The following PPARG variants were observed in gnomAD, a reference collection of about 807,000 sequenced individuals.
PPARG encodes the protein peroxisome proliferator activated receptor gamma.
A neutral mutation model predicts 39.2 loss-of-function variants in PPARG; 17 were observed. That is an observed-to-expected ratio of 0.43 (90% CI 0.30 to 0.65). The LOEUF (loss-of-function observed/expected upper bound fraction) is 0.65. PPARG is among the 30% of genes least tolerant of loss of function. The pLI, the probability that PPARG is intolerant of heterozygous loss-of-function variation, is 0.13. For missense variants in PPARG, 406 were observed against 585.9 expected, an observed-to-expected ratio of 0.69 and a Z score of 3.17; for synonymous variants, 223 against 215.7, an observed-to-expected ratio of 1.03 and a Z score of -0.30.
intron 2 of PPARG, among the ~76,000 whole-genome samples, chr3:12,378,932 G>A (rs146715599): frequency 5.3e-5 from 8 of 152,254 alleles, no homozygotes; most frequent in East Asian, 1.9e-4. Flanking sequence ...TAGTAAATAC[G>A]TATATTAAAA....
intron 1 of PPARG, among the ~76,000 whole-genome samples, chr3:12,308,177 C>G (rs956380172): frequency 6.6e-6 from 1 of 151,636 alleles, no homozygotes; most frequent in Non-Finnish European, 1.5e-5. Flanking sequence ...GATCTCGCCT[C>G]TACAAAAAAA....
intron 4 of PPARG, among the ~76,000 whole-genome samples, chr3:12,388,948 T>C (rs930101780): frequency 1.3e-5 from 2 of 152,070 alleles, no homozygotes; most frequent in Admixed American, 1.3e-4. Context: ...AACCTGAAAC[T>C]GAAAGAGATA....
chr3:12,356,676 C>T (rs1236837447), intron 2 of PPARG, among the ~76,000 whole-genome samples: 1 of 152,166 alleles, frequency 6.6e-6, no homozygotes, highest in Non-Finnish European at 1.5e-5. Context: ...TTCAAGGCAC[C>T]ATAGTGAATG....
chr3:12,367,016 G>A (rs1197685907), intron 2 of PPARG, among the ~76,000 whole-genome samples: 1 of 152,146 alleles, frequency 6.6e-6, no homozygotes, highest in Non-Finnish European at 1.5e-5. Context: ...AGTGAACCCA[G>A]TCCGGTGCCT....
chr3:12,434,209 C>T lies in PPARG; in HGVS notation c.*64C>T. 1 of 1,603,010 alleles carries T rather than the reference C, an allele frequency of 6.2e-7. No individual in the cohort carries two copies. Among genetic ancestry groups the T allele is most frequent in the Non-Finnish European group, 8.5e-7 (1 of 1,171,634 alleles). Reference sequence around the variant, plus strand: ...CAGTTGCACTATTCTGAGGGAAAATCTGACACCTAAGAAATTTACTGTGAA... The same window carrying T: ...CAGTTGCACTATTCTGAGGGAAAATTTGACACCTAAGAAATTTACTGTGAA... On this transcript the variant is annotated 3_prime_UTR_variant, in exon 8 of 8. Coordinates refer to ENST00000651735, the MANE Select transcript of PPARG (RefSeq NM_138711.6). The surrounding 1 kb of genome is among the most constrained non-coding windows in gnomAD (Gnocchi z 4.2).
At chr3:12,429,552 CAAAAAAAA>C (rs753288907) in intron 7 of PPARG, among the ~76,000 whole-genome samples, 2 of 99,590 alleles carry the variant, frequency 2.0e-5, no homozygotes, top group African/African-American at 7.9e-5. Context: ...CTGTCTCTAC[CAAAAAAAA>C]AAAAAAAAAA....
chr3:12,427,133 A>C (rs1051250847), intron 7 of PPARG, among the ~76,000 whole-genome samples: 1 of 149,864 alleles, frequency 6.7e-6, no homozygotes, highest in South Asian at 2.1e-4. Flanking sequence ...CACATGTATA[A>C]CTTTGCTGAA....
intron 1 of PPARG, among the ~76,000 whole-genome samples, chr3:12,294,038 G>A (rs1156804871): frequency 6.6e-6 from 1 of 152,202 alleles, no homozygotes; most frequent in Non-Finnish European, 1.5e-5. Context: ...CAGCAAAAAT[G>A]TGAAAGGCTA....
intron 5 of PPARG, among the ~76,000 whole-genome samples, chr3:12,404,801 C>T (rs2050599922): frequency 6.6e-6 from 1 of 152,162 alleles, no homozygotes; most frequent in South Asian, 2.1e-4. Flanking sequence ...AAGACTCCAT[C>T]TCAAAATATA....
intron 1 of PPARG, among the ~76,000 whole-genome samples, chr3:12,303,315 C>T (rs567075632): frequency 6.6e-6 from 1 of 152,054 alleles, no homozygotes; most frequent in East Asian, 1.9e-4. Flanking sequence ...TCCTGCCTTA[C>T]CCTCCTGAGT....
At chr3:12,384,211 T>A (rs1460513423) in intron 4 of PPARG, among the ~76,000 whole-genome samples, 1 of 152,106 alleles carries the variant, frequency 6.6e-6, no homozygotes, top group Non-Finnish European at 1.5e-5. Flanking sequence ...AATATGTGAA[T>A]CCACTTATAT....
chr3:12,335,835 G>GA (rs933537780), intron 2 of PPARG, among the ~76,000 whole-genome samples: 104 of 147,098 alleles, frequency 7.1e-4, no homozygotes, highest in South Asian at 1.8e-3. Flanking sequence ...GCAATGTGGG[G>GA]AAAAAAAAAA....
chr3:12,416,776 C>T lies in PPARG; in HGVS notation c.802C>T (p.Leu268=). 2 of 1,614,094 alleles carry T rather than the reference C, an allele frequency of 1.2e-6. No homozygotes were observed. Among genetic ancestry groups the T allele is most frequent in the Non-Finnish European group, 1.7e-6 (2 of 1,179,974 alleles). The change falls in exon 7 of 8, where the codon CTG becomes TTG. Residue 268 remains leucine (L), a synonymous_variant. Coordinates refer to ENST00000651735, the MANE Select transcript of PPARG (RefSeq NM_138711.6). The part of the protein sequence containing the change: ...DKIKFKHITP[L]QEQSKEVAIR... ...AATCAAGTTCAAACACATCACCCCC[C>T]TGCAGGAGCAGAGCAAAGAGGTGGC...
At chr3:12,378,303 G>C (rs2049493201) in intron 2 of PPARG, among the ~76,000 whole-genome samples, 1 of 152,162 alleles carries the variant, frequency 6.6e-6, no homozygotes, top group Non-Finnish European at 1.5e-5. Context: ...GTATGTTGAA[G>C]AGCTATCTGC....
At chr3:12,406,108 G>C in intron 6 of PPARG, 27 bp downstream of exon 6, 1 of 1,609,014 alleles carries the variant, frequency 6.2e-7, no homozygotes, top group Non-Finnish European at 8.5e-7. Context: ...TGTCTTCATT[G>C]GGGGAGGCGG....
intron 2 of PPARG, among the ~76,000 whole-genome samples, chr3:12,366,774 C>T (rs2049031471): frequency 6.6e-6 from 1 of 152,118 alleles, no homozygotes; most frequent in Non-Finnish European, 1.5e-5. Flanking sequence ...TAATTCTTTT[C>T]ATACATTATC....
At chr3:12,304,655 A>G (rs1297980565) in intron 1 of PPARG, among the ~76,000 whole-genome samples, 1 of 152,224 alleles carries the variant, frequency 6.6e-6, no homozygotes, top group East Asian at 1.9e-4. Flanking sequence ...TGTATGTAAA[A>G]ATTTCACATG....
chr3:12,398,917 C>T (rs188294524), intron 5 of PPARG, among the ~76,000 whole-genome samples: 122 of 152,256 alleles, frequency 8.0e-4, no homozygotes, highest in African/African-American at 2.9e-3. Flanking sequence ...GGAGTGAAAA[C>T]AACTCTTTCA....
intron 7 of PPARG, among the ~76,000 whole-genome samples, chr3:12,422,561 C>T (rs996992763): frequency 2.0e-5 from 3 of 152,080 alleles, no homozygotes; most frequent in South Asian, 4.2e-4. Flanking sequence ...TGCCTATTTC[C>T]ATATTGCCTC....
Sources: gnomAD v4.1 joint callset for allele counts (sites outside exome capture counted in the v4.1 genomes callset) on GRCh38, gnomAD v4.1.1 for gene constraint, Gnocchi (gnomAD v3.1) non-coding constraint, MANE v1.5 for transcripts, NCBI Gene and HGNC (gene_info 2026-07-23, HGNC 2026-07-21) for gene names.